CBL: variants seen among roughly 807,000 people sequenced by gnomAD.
CBL encodes E3 ubiquitin-protein ligase CBL.
CBL carries 45 observed loss-of-function variants against 96.9 expected under a neutral mutation model. The observed-to-expected ratio is 0.46, with a 90% confidence interval of 0.37 to 0.60. The LOEUF is 0.60. Among genes scored for constraint, CBL ranks in the 20% least tolerant of loss-of-function variants. The probability of loss-of-function intolerance (pLI) is 0.00; values close to 1 mark genes in which losing one functional copy is unlikely to be tolerated. For synonymous variants in CBL, 420 were observed against 426.8 expected (o/e 0.98, Z 0.20); for missense variants, 1,024 against 1,143.5 (o/e 0.90, Z 1.51).
rs1798270698 is a variant in CBL at position 119,271,613 on chromosome 11, A to G, written c.444-122A>G. On this transcript the variant is annotated intron_variant, in intron 2 of 15. Transcript: ENST00000264033. Reference sequence around the variant, plus strand: ...AATACTGGCCAGAAAGAATATTTGAAGAGGTTCTTTCTAAATGTATTTTAA... The same window carrying G: ...AATACTGGCCAGAAAGAATATTTGAGGAGGTTCTTTCTAAATGTATTTTAA... 4.6e-6 allele frequency: 4 copies of G among 864,732 alleles called. 1 individual carries two copies. Among genetic ancestry groups the G allele is most frequent in the Middle Eastern group, 3.1e-4 (1 of 3,184 alleles). 53.6% of individuals were successfully genotyped at this position (864,732 alleles called of 1,614,324 possible).
intron 2 of CBL, among the ~76,000 whole-genome samples, chr11:119,238,910 C>G (rs551254571): frequency 3.1e-4 from 47 of 152,208 alleles, no homozygotes; most frequent in Admixed American, 1.8e-3. Context: ...GCCATCTTAA[C>G]AATACTGTTT....
chr11:119,272,717 C>T (rs1949858493), intron 3 of CBL, among the ~76,000 whole-genome samples: 1 of 152,144 alleles, frequency 6.6e-6, no homozygotes, highest in Non-Finnish European at 1.5e-5. Context: ...CTTCTTCTCA[C>T]CTTTATGACC....
At chr11:119,288,514 G>T (rs1950002007) in intron 12 of CBL, among the ~76,000 whole-genome samples, 1 of 152,010 alleles carries the variant, frequency 6.6e-6, no homozygotes, top group Non-Finnish European at 1.5e-5. Flanking sequence ...GCTCTCTGGG[G>T]TCTCTTCCTA....
intron 6 of CBL, among the ~76,000 whole-genome samples, chr11:119,277,016 C>T (rs550748847): frequency 6.1e-4 from 93 of 152,228 alleles, no homozygotes; most frequent in African/African-American, 2.1e-3. Context: ...GAGGCCGAGA[C>T]GGGTGGATCA....
At chr11:119,248,446 T>C (rs1256338323) in intron 2 of CBL, among the ~76,000 whole-genome samples, 1 of 152,168 alleles carries the variant, frequency 6.6e-6, no homozygotes, top group African/African-American at 2.4e-5. Context: ...CCTTTCCTTA[T>C]GTTGCATATA....
chr11:119,232,208 T>G (rs998843262), intron 1 of CBL, among the ~76,000 whole-genome samples: 4 of 152,246 alleles, frequency 2.6e-5, no homozygotes, highest in Non-Finnish European at 5.9e-5. Flanking sequence ...TTGTTTGTTC[T>G]GTGTGTTATC....
intron 1 of CBL, among the ~76,000 whole-genome samples, chr11:119,229,389 A>G (rs1168521325): frequency 6.6e-6 from 1 of 152,102 alleles, no homozygotes; most frequent in African/African-American, 2.4e-5. Flanking sequence ...AGCTTTCTAA[A>G]ATGCTGTGAA....
rs1460903578 is a variant in CBL, at chr11:119,287,888, G to A, written c.1978G>A (p.Asp660Asn). 1 of 1,613,758 alleles carries A rather than the reference G, an allele frequency of 6.2e-7. No homozygotes were observed. The change falls in exon 12 of 16, where the codon GAC becomes AAC. Residue 660 changes from aspartate to asparagine, a missense_variant. Asp to Asn is a conservative substitution (Grantham distance 23). Around this residue, in one of 4 missense-constraint regions of CBL, gnomAD observed 695 missense variants for 661.6 expected, o/e 1.05. Transcript: ENST00000264033. Reference protein sequence around the residue: ...NSSPLVGPECDHPKIKPSSSA... With the variant: ...NSSPLVGPECNHPKIKPSSSA... ...CAGCCCATTAGTAGGTCCAGAGTGT[G>A]ACCACCCCAAAATCAAACCTTCCTC...
chr11:119,213,382 G>GATA (rs1281971373), intron 1 of CBL, among the ~76,000 whole-genome samples: 5 of 152,154 alleles, frequency 3.3e-5, no homozygotes, highest in Admixed American at 2.0e-4. Flanking sequence ...CATTATAAAT[G>GATA]ATATATAAGT....
At chr11:119,240,356 A>AG (rs1162934191) in intron 2 of CBL, among the ~76,000 whole-genome samples, 1 of 152,166 alleles carries the variant, frequency 6.6e-6, no homozygotes, top group Non-Finnish European at 1.5e-5. Flanking sequence ...GCAAGAATGC[A>AG]GGTAAGCCTC....
At chr11:119,281,913 C>A (rs1949937400) in intron 9 of CBL, among the ~76,000 whole-genome samples, 1 of 151,974 alleles carries the variant, frequency 6.6e-6, no homozygotes, top group African/African-American at 2.4e-5. Flanking sequence ...TGTAATAAAC[C>A]CTTTCTATTT....
chr11:119,211,599 G>T (rs1240112399), intron 1 of CBL, among the ~76,000 whole-genome samples: 3 of 151,410 alleles, frequency 2.0e-5, no homozygotes, highest in African/African-American at 4.9e-5. Context: ...TGCCTCCTGG[G>T]TTCAAGCAAT....
intron 3 of CBL, among the ~76,000 whole-genome samples, chr11:119,273,539 G>A (rs1046601245): frequency 6.6e-6 from 1 of 152,148 alleles, no homozygotes; most frequent in Non-Finnish European, 1.5e-5. Context: ...TCCCCCCTCA[G>A]CCTCCAGAGT....
intron 1 of CBL, among the ~76,000 whole-genome samples, chr11:119,223,438 A>T: frequency 1.3e-5 from 2 of 148,862 alleles, no homozygotes; most frequent in Non-Finnish European, 3.0e-5. Flanking sequence ...ATGTTATGTT[A>T]TTTTATTTTA....
chr11:119,243,504 CA>C (rs34286258), intron 2 of CBL, among the ~76,000 whole-genome samples: 36,250 of 114,952 alleles, frequency 0.32, 4,713 homozygotes, highest in South Asian at 0.59. Flanking sequence ...GACCCCGTCT[CA>C]AAAAAAAAAA....
chr11:119,253,022 AC>A (rs1949682499), intron 2 of CBL, among the ~76,000 whole-genome samples: 1 of 152,192 alleles, frequency 6.6e-6, no homozygotes, highest in South Asian at 2.1e-4. Flanking sequence ...TGGCACACTT[AC>A]GTGTCAGTAG....
intron 1 of CBL, among the ~76,000 whole-genome samples, chr11:119,210,694 C>T (rs949306952): frequency 6.7e-6 from 1 of 149,958 alleles, no homozygotes; most frequent in African/African-American, 2.5e-5. Context: ...ATTGATCTGC[C>T]CACCTCAGCC....
chr11:119,211,950 A>G (rs1949322307), intron 1 of CBL, among the ~76,000 whole-genome samples: 1 of 151,486 alleles, frequency 6.6e-6, no homozygotes, highest in Non-Finnish European at 1.5e-5. Flanking sequence ...ATGGAGTTCC[A>G]CTATTGTTGC....
At chr11:119,236,766 A>G (rs1470512430) in intron 2 of CBL, among the ~76,000 whole-genome samples, 6 of 151,814 alleles carry the variant, frequency 4.0e-5, no homozygotes, top group African/African-American at 9.7e-5. Flanking sequence ...AACAATTGCT[A>G]TTGACTTTTT....
Sources: allele counts gnomAD v4.1 joint callset (sites outside exome capture counted in the v4.1 genomes callset), GRCh38; gene constraint gnomAD v4.1.1; regional missense constraint gnomAD v4.1.1; transcripts MANE v1.5; gene names NCBI Gene and HGNC (gene_info 2026-07-23, HGNC 2026-07-21).